ANKFY1: variants seen among roughly 807,000 people sequenced by gnomAD.
ANKFY1 encodes ankyrin repeat and FYVE domain-containing protein 1.
ANKFY1 carries 47 observed loss-of-function variants against 128.3 expected under a neutral mutation model. The observed-to-expected ratio is 0.37, with a 90% CI of 0.29 to 0.47. ANKFY1 has a LOEUF of 0.47. Ranked by LOEUF, ANKFY1 falls within the 20% of genes least tolerant of loss-of-function variation. ANKFY1 has a pLI of 1.00. For synonymous variants in ANKFY1, 553 were observed against 601.6 expected, an observed-to-expected ratio of 0.92 and a Z score of 1.18; for missense variants, 1,222 against 1,510.6, an observed-to-expected ratio of 0.81 and a Z score of 3.17.
At chr17:4,238,006 C>T (rs1283476784) in intron 2 of ANKFY1, among the ~76,000 whole-genome samples, 1 of 151,950 alleles carries the variant, frequency 6.6e-6, no homozygotes, top group East Asian at 1.9e-4. Context: ...TTTTTAACTA[C>T]CTTATGGGAC....
chr17:4,190,104 C>T (rs1239604887), intron 10 of ANKFY1, among the ~76,000 whole-genome samples: 2 of 152,160 alleles, frequency 1.3e-5, no homozygotes, highest in Non-Finnish European at 2.9e-5. Flanking sequence ...GCACACTGTA[C>T]AATGTTCGGC....
At chr17:4,188,601 T>G (rs1598038056) in intron 11 of ANKFY1, 2 of 152,340 alleles carry the variant, frequency 1.3e-5, no homozygotes, top group South Asian at 4.1e-4. Context: ...TAGCAGAAAG[T>G]GACCGTAAAA....
intron 7 of ANKFY1, among the ~76,000 whole-genome samples, chr17:4,202,214 C>T (rs958458288): frequency 6.7e-6 from 1 of 150,368 alleles, no homozygotes; most frequent in Admixed American, 6.6e-5. Flanking sequence ...ACCAGCCTGG[C>T]CAACATGGCA....
chr17:4,181,303 T>C lies in ANKFY1; in HGVS notation c.2191A>G (p.Arg731Gly). 6.2e-7 allele frequency: 1 copy of C among 1,614,148 alleles called. No homozygotes were observed. The highest frequency in any genetic ancestry group is 2.2e-5 in the East Asian group (1 of 44,884). ...GGCTCGTTGTTTTCATCAATGGCTC[T>C]GTGCAGGAGCGTCTGAAGGCACCCA... is the stretch of plus-strand genomic sequence containing the variant. ...PGGCLQTLLHRAIDENNEPTA... is the reference protein window; with the variant it reads ...PGGCLQTLLHGAIDENNEPTA... The change falls in exon 16 of 25, where the codon AGA becomes GGA. Residue 731 changes from arginine (R) to glycine (G), a missense_variant. Coordinates refer to ENST00000341657, the MANE Select transcript of ANKFY1 (RefSeq NM_001330063.2). This position sits in a 1 kb window ranked among gnomAD's most constrained non-coding sequence, Gnocchi z 4.9.
intron 7 of ANKFY1, among the ~76,000 whole-genome samples, chr17:4,201,771 G>A (rs1042982297): frequency 6.6e-6 from 1 of 152,166 alleles, no homozygotes; most frequent in Non-Finnish European, 1.5e-5. Context: ...TACAGAGGCA[G>A]TAAAGCACTG....
rs564762430 is a variant in ANKFY1 at position 4,183,754 on chromosome 17, G to A, written c.1798+58C>T. The A allele has an allele frequency of 2.6e-5, 40 of 1,534,870 alleles. 1 individual carries two copies. Among genetic ancestry groups the A allele is most frequent in the South Asian group, 5.6e-5 (5 of 89,014 alleles). ...CTTTCTCGCTCCCTCTGTCCCACCCGGCCCCACTTCGGACAGCTGTCTGTC... is the reference window on the plus strand; with the variant it reads ...CTTTCTCGCTCCCTCTGTCCCACCCAGCCCCACTTCGGACAGCTGTCTGTC... On this transcript the variant is annotated intron_variant, in intron 13 of 24. Coordinates refer to ENST00000341657, the MANE Select transcript of ANKFY1 (RefSeq NM_001330063.2).
chr17:4,221,624 T>C (rs1017831608), intron 3 of ANKFY1, among the ~76,000 whole-genome samples: 2 of 152,192 alleles, frequency 1.3e-5, no homozygotes, highest in East Asian at 1.9e-4. Context: ...CAACTGTTTT[T>C]TTCTTTTTAT....
chr17:4,208,096 A>G lies in ANKFY1; in HGVS notation c.583-14T>C, dbSNP rs2060058867. 6.3e-7 allele frequency: 1 copy of G among 1,593,420 alleles called. No homozygotes were observed. The highest frequency in any genetic ancestry group is 8.5e-7 in the Non-Finnish European group (1 of 1,171,840). On this transcript the variant is annotated splice_polypyrimidine_tract_variant and intron_variant, in intron 5 of 24. Transcript: ENST00000341657. ...CCTCAGGTCGTCCTGAGAATTCACAACACAGTGAAAAGCAGAACAGACACA... is the reference window on the plus strand; with the variant it reads ...CCTCAGGTCGTCCTGAGAATTCACAGCACAGTGAAAAGCAGAACAGACACA...
At chr17:4,233,564 C>CA (rs2060550632) in intron 3 of ANKFY1, among the ~76,000 whole-genome samples, 1 of 152,192 alleles carries the variant, frequency 6.6e-6, no homozygotes, top group Non-Finnish European at 1.5e-5. Flanking sequence ...CATAAAGAGA[C>CA]AGAGTTCGCT....
chr17:4,234,234 C>T (rs9903873), intron 3 of ANKFY1, among the ~76,000 whole-genome samples: 3 of 152,206 alleles, frequency 2.0e-5, no homozygotes, highest in Non-Finnish European at 2.9e-5. Flanking sequence ...AACAAAACCA[C>T]GTAATGACAC....
At chr17:4,255,755 T>C (rs1041929014) in intron 1 of ANKFY1, among the ~76,000 whole-genome samples, 2 of 152,142 alleles carry the variant, frequency 1.3e-5, no homozygotes, top group Non-Finnish European at 2.9e-5. Context: ...AAATACTATC[T>C]TCCTTGGCAT....
chr17:4,206,845 C>T (rs1306425622), intron 6 of ANKFY1, among the ~76,000 whole-genome samples: 2 of 152,152 alleles, frequency 1.3e-5, no homozygotes, highest in East Asian at 3.8e-4. Flanking sequence ...AGTGGCGTTC[C>T]TATTTCATTC....
At chr17:4,262,053 C>T (rs55752933) in intron 1 of ANKFY1, among the ~76,000 whole-genome samples, 77,372 of 152,122 alleles carry the variant, frequency 0.51, 22,167 homozygotes, top group East Asian at 0.8. Flanking sequence ...CTGCCGGGCG[C>T]GATGGCTCAT....
chr17:4,184,398 G>A (rs936635093), intron 12 of ANKFY1, among the ~76,000 whole-genome samples: 1 of 152,180 alleles, frequency 6.6e-6, no homozygotes, highest in Non-Finnish European at 1.5e-5. Context: ...AAGGCGTGAG[G>A]GAGACTTTCT....
intron 5 of ANKFY1, among the ~76,000 whole-genome samples, chr17:4,209,382 C>A (rs1332433924): frequency 6.6e-6 from 1 of 152,188 alleles, no homozygotes; most frequent in Non-Finnish European, 1.5e-5. Context: ...TTCACCGCAA[C>A]CTCCGCCTCC....
intron 3 of ANKFY1, among the ~76,000 whole-genome samples, chr17:4,231,802 T>C (rs973077853): frequency 6.6e-6 from 1 of 151,760 alleles, no homozygotes; most frequent in Non-Finnish European, 1.5e-5. Flanking sequence ...ACAGGCATGG[T>C]AGCACACACC....
intron 19 of ANKFY1, among the ~76,000 whole-genome samples, chr17:4,176,810 C>T (rs990897120): frequency 6.6e-6 from 1 of 152,260 alleles, no homozygotes; most frequent in East Asian, 1.9e-4. Flanking sequence ...AGACAGCTCA[C>T]TTCAAAGTCC....
chr17:4,237,085 G>A (rs1488324380), intron 2 of ANKFY1, among the ~76,000 whole-genome samples: 6 of 151,912 alleles, frequency 3.9e-5, no homozygotes, highest in Admixed American at 6.6e-5. Context: ...GCAGTGAGCC[G>A]AGATCGCGCT....
rs1017239038 is a variant in ANKFY1 at position 4,232,251 on chromosome 17, A to G, written c.322+3521T>C. 3.3e-5 allele frequency among the ~76,000 whole-genome samples: 5 copies of G among 152,280 alleles called. No homozygotes were observed. In the East Asian group the frequency reaches 7.7e-4, roughly 23 times the overall value. ...ACCTGTTTACAAGAACCTATTTCCA[A>G]TCTTCCTCAAATTGCTGCCATGAAG... On this transcript the variant is annotated intron_variant, in intron 3 of 24. Coordinates refer to ENST00000341657, the MANE Select transcript of ANKFY1 (RefSeq NM_001330063.2).
Sources: allele counts gnomAD v4.1 joint callset (sites outside exome capture counted in the v4.1 genomes callset), GRCh38; gene constraint gnomAD v4.1.1; non-coding constraint Gnocchi (gnomAD v3.1); transcripts MANE v1.5; gene names NCBI Gene and HGNC (gene_info 2026-07-23, HGNC 2026-07-21).